The following DCDC2 variants were observed in gnomAD, a reference collection of about 807,000 sequenced individuals.
The protein encoded by DCDC2 is doublecortin domain-containing protein 2.
DCDC2 carries 40 observed loss-of-function variants against 50.2 expected under a neutral mutation model. The ratio of observed to expected loss-of-function variants is 0.80; its 90% CI spans 0.62 to 1.04. The LOEUF (loss-of-function observed/expected upper bound fraction) is 1.04, where lower values mean the gene tolerates loss of function less well. DCDC2 is among the 50% of genes least tolerant of loss of function. The pLI, the probability that DCDC2 is intolerant of heterozygous loss-of-function variation, is 0.00. For missense variants in DCDC2, 570 were observed against 581.9 expected (o/e 0.98, Z 0.21); for synonymous variants, 234 against 210.6 (o/e 1.11, Z -0.96).
intron 2 of DCDC2, among the ~76,000 whole-genome samples, chr6:24,306,472 A>T (rs954197337): frequency 4.7e-4 from 72 of 151,890 alleles, no homozygotes; most frequent in Non-Finnish European, 9.4e-4. Flanking sequence ...GCAAAACCCC[A>T]TTTCAAACCC....
In DCDC2 at chr6:24,235,867, G is replaced by A. The variant is rs150572763; in HGVS notation, c.923-30765C>T. 3.2e-3 allele frequency among the ~76,000 whole-genome samples: 481 copies of A among 152,090 alleles called. 3 individuals carry two copies. Among genetic ancestry groups the A allele is most frequent in the African/African-American group, 0.011 (448 of 41,496 alleles). ...ATAATCCCATTTACAATAGCCATAC[G>A]CAAAAATAAAACACCTAAGAATACA... On this transcript the variant is annotated intron_variant, in intron 7 of 9. Transcript: ENST00000378454.
At chr6:24,310,820 T>C (rs1759557930) in intron 2 of DCDC2, among the ~76,000 whole-genome samples, 1 of 152,234 alleles carries the variant, frequency 6.6e-6, no homozygotes, top group African/African-American at 2.4e-5. Context: ...TGCATTTTTT[T>C]TCAAAGCAGT....
chr6:24,291,707 G>A (rs979167881), intron 4 of DCDC2, among the ~76,000 whole-genome samples: 20 of 151,700 alleles, frequency 1.3e-4, no homozygotes, highest in African/African-American at 3.6e-4. Flanking sequence ...GGATGGTCTC[G>A]ATCTCCTGAC....
chr6:24,349,495 A>G (rs1417407846), intron 2 of DCDC2, among the ~76,000 whole-genome samples: 2 of 152,208 alleles, frequency 1.3e-5, no homozygotes, highest in Non-Finnish European at 2.9e-5. Context: ...TGGTAAAGGC[A>G]TCACACATGC....
At chr6:24,275,344 G>T (rs1263876679) in intron 7 of DCDC2, among the ~76,000 whole-genome samples, 2 of 152,162 alleles carry the variant, frequency 1.3e-5, no homozygotes, top group Non-Finnish European at 2.9e-5. Context: ...ATTTTCAGTA[G>T]TATGGACTTA....
rs1325101810 is a variant in DCDC2, at chr6:24,205,170, T to C, written c.923-68A>G. On this transcript the variant is annotated intron_variant, in intron 7 of 9. Coordinates refer to ENST00000378454, the MANE Select transcript of DCDC2 (RefSeq NM_016356.5). The stretch of plus-strand genomic sequence containing the variant: ...ACATCGTGTGGCTGAATGCTGGAAT[T>C]ACAATCAAATGCTTATTTTTAATAG... 6 of 1,614,128 alleles carry C rather than the reference T, an allele frequency of 3.7e-6. 1 individual carries two copies. The South Asian group carries it at 6.6e-5, about 18-fold the overall frequency.
At chr6:24,252,456 G>A (rs1393356251) in intron 7 of DCDC2, among the ~76,000 whole-genome samples, 1 of 152,074 alleles carries the variant, frequency 6.6e-6, no homozygotes, top group African/African-American at 2.4e-5. Context: ...GCTGAGCAAA[G>A]CCACAGAACA....
At position 24,337,518 on chromosome 6, in the gene DCDC2, G is replaced by C. The variant is rs565145179; in HGVS notation, c.348+16051C>G. Among the ~76,000 whole-genome samples the C allele has an allele frequency of 2.0e-5, 3 of 152,272 alleles. No individual in the cohort carries two copies. The South Asian group carries it at 6.2e-4, about 32-fold the overall frequency. ...GTTAAAGAAGAGTATTAAGAGCCAGGCACGGTGGCTCACACCTGTAATCCC... is the reference window on the plus strand; with the variant it reads ...GTTAAAGAAGAGTATTAAGAGCCAGCCACGGTGGCTCACACCTGTAATCCC... On this transcript the variant is annotated intron_variant, in intron 2 of 9. Coordinates refer to ENST00000378454, the MANE Select transcript of DCDC2 (RefSeq NM_016356.5).
intron 6 of DCDC2, among the ~76,000 whole-genome samples, chr6:24,287,339 G>A (rs994725649): frequency 6.4e-5 from 9 of 140,954 alleles, no homozygotes; most frequent in Non-Finnish European, 1.1e-4. Flanking sequence ...TGTTTGTATT[G>A]TATTGTATTT....
the DCDC2 span, among the ~76,000 whole-genome samples, chr6:24,373,651 C>T: frequency 3.4e-4 from 51 of 152,220 alleles, 1 homozygote; most frequent in African/African-American, 1.1e-3. Context: ...TGGGACCTAG[C>T]GGGAGCACAT....
At chr6:24,300,845 T>C (rs1759355863) in intron 4 of DCDC2, among the ~76,000 whole-genome samples, 1 of 152,186 alleles carries the variant, frequency 6.6e-6, no homozygotes, top group Non-Finnish European at 1.5e-5. Context: ...AGGGATAATT[T>C]CATAGGCTTC....
chr6:24,365,684 G>A, the DCDC2 span: 1 of 152,166 alleles, frequency 6.6e-6, no homozygotes, highest in Admixed American at 6.5e-5. Flanking sequence ...AAACTGGAAT[G>A]ATACAGATAA....
chr6:24,174,560 TAGCCATTTAA>T lies in DCDC2; in HGVS notation c.*160_*169del, dbSNP rs1760857769. The stretch of plus-strand genomic sequence containing the variant: ...ATAAAAGTAAGTAATTATCCTTTAG[TAGCCATTTAA>T]AGTTATCTGGTCTTTCCACTAGGCT... On this transcript the variant is annotated 3_prime_UTR_variant, in exon 10 of 10. Coordinates refer to ENST00000378454, the MANE Select transcript of DCDC2 (RefSeq NM_016356.5). The T allele has an allele frequency of 2.1e-6, 1 of 466,640 alleles. No homozygotes were observed. Among genetic ancestry groups the T allele is most frequent in the Non-Finnish European group, 3.8e-6 (1 of 262,732 alleles). The allele number at this position is 466,640 out of a possible 1,614,324, so 28.9% of individuals were successfully genotyped here.
At chr6:24,374,184 G>T in the DCDC2 span, among the ~76,000 whole-genome samples, 1 of 151,134 alleles carries the variant, frequency 6.6e-6, no homozygotes, top group Non-Finnish European at 1.5e-5. Context: ...AAAAAGGAAG[G>T]AGAGGAAGAA....
chr6:24,218,709 G>C (rs1335306711), intron 7 of DCDC2, among the ~76,000 whole-genome samples: 1 of 152,116 alleles, frequency 6.6e-6, no homozygotes, highest in Admixed American at 6.5e-5. Context: ...GGCTGGTCCT[G>C]AACTCCTGGG....
intron 2 of DCDC2, among the ~76,000 whole-genome samples, chr6:24,316,629 A>G (rs1759673118): frequency 6.6e-6 from 1 of 152,172 alleles, no homozygotes; most frequent in African/African-American, 2.4e-5. Flanking sequence ...AACATTTTAA[A>G]TTAATATGTT....
chr6:24,359,279 A>AT (rs1561789365), upstream of DCDC2, among the ~76,000 whole-genome samples: 149 of 62,022 alleles, frequency 2.4e-3, 1 homozygote, highest in South Asian at 3.4e-3. Flanking sequence ...TATTTTATAT[A>AT]TATTATATAT....
At chr6:24,248,298 C>CA (rs1180482333) in intron 7 of DCDC2, among the ~76,000 whole-genome samples, 1 of 152,164 alleles carries the variant, frequency 6.6e-6, no homozygotes, top group Admixed American at 6.5e-5. Context: ...GCAGTTGTTT[C>CA]AAACACTAAC....
intron 7 of DCDC2, among the ~76,000 whole-genome samples, chr6:24,257,305 G>T (rs77658892): frequency 0.036 from 5,508 of 152,232 alleles, 221 homozygotes; most frequent in African/African-American, 0.1. Flanking sequence ...CTCTCATCAA[G>T]CTCTTCAGAG....
Sources: allele counts gnomAD v4.1 joint callset (sites outside exome capture counted in the v4.1 genomes callset), GRCh38; gene constraint gnomAD v4.1.1; transcripts MANE v1.5; gene names NCBI Gene and HGNC (gene_info 2026-07-23, HGNC 2026-07-21).